The following ZNF385B variants were observed in gnomAD, a reference collection of about 807,000 sequenced individuals.
ZNF385B encodes zinc finger protein 533.
In ZNF385B, 23 loss-of-function variants were observed where a neutral mutation model predicts 39.2. The ratio of observed to expected loss-of-function variants is 0.59; its 90% CI spans 0.42 to 0.83. The LOEUF (loss-of-function observed/expected upper bound fraction) is 0.83. Among genes scored for constraint, ZNF385B ranks in the 40% least tolerant of loss-of-function variants. The pLI, the probability that ZNF385B is intolerant of heterozygous loss-of-function variation, is 0.00. For synonymous variants in ZNF385B, 205 were observed against 222.6 expected (o/e 0.92, Z 0.70); for missense variants, 552 against 598.9 (o/e 0.92, Z 0.82).
At chr2:179,762,529 C>T (rs1359354870) in intron 3 of ZNF385B, among the ~76,000 whole-genome samples, 1 of 152,106 alleles carries the variant, frequency 6.6e-6, no homozygotes, top group Non-Finnish European at 1.5e-5. Context: ...GCCAGTTTTG[C>T]ATACCTGGAA....
At chr2:179,482,039 G>T (rs2054059508) in intron 6 of ZNF385B, among the ~76,000 whole-genome samples, 1 of 152,150 alleles carries the variant, frequency 6.6e-6, no homozygotes, top group African/African-American at 2.4e-5. Context: ...ACATGATTTA[G>T]TGATCCTATT....
intron 3 of ZNF385B, among the ~76,000 whole-genome samples, chr2:179,665,169 C>T (rs1694983874): frequency 6.6e-6 from 1 of 152,202 alleles, no homozygotes; most frequent in Admixed American, 6.5e-5. Flanking sequence ...GAGGCTCACA[C>T]TGATCACTGT....
chr2:179,820,456 T>C (rs577223934), intron 1 of ZNF385B, among the ~76,000 whole-genome samples: 60 of 152,140 alleles, frequency 3.9e-4, no homozygotes, highest in South Asian at 1.2e-3. Flanking sequence ...AGTTCTATTG[T>C]TTTTCCATCT....
At chr2:179,454,491 G>C (rs71425627) in intron 6 of ZNF385B, among the ~76,000 whole-genome samples, 22,786 of 149,258 alleles carry the variant, frequency 0.15, 1,853 homozygotes, top group African/African-American at 0.21. Flanking sequence ...TTATTTTAGA[G>C]TGTACTCCTT....
chr2:179,779,141 G>C (rs1704518090), intron 1 of ZNF385B, among the ~76,000 whole-genome samples: 1 of 152,152 alleles, frequency 6.6e-6, no homozygotes, highest in Non-Finnish European at 1.5e-5. Flanking sequence ...GCTATAACCA[G>C]TATTCTAAAA....
intron 3 of ZNF385B, among the ~76,000 whole-genome samples, chr2:179,582,503 A>ATGG (rs1320797172): frequency 6.6e-6 from 1 of 152,154 alleles, no homozygotes; most frequent in Non-Finnish European, 1.5e-5. Flanking sequence ...AACAGATCAG[A>ATGG]TGGGGTTTTT....
At chr2:179,797,005 A>G (rs1447308860) in intron 1 of ZNF385B, among the ~76,000 whole-genome samples, 1 of 152,198 alleles carries the variant, frequency 6.6e-6, no homozygotes, top group East Asian at 1.9e-4. Context: ...CACATACTTG[A>G]TATTTAAGAA....
intron 3 of ZNF385B, among the ~76,000 whole-genome samples, chr2:179,734,235 A>G (rs1164505069): frequency 6.6e-6 from 1 of 152,206 alleles, no homozygotes; most frequent in Non-Finnish European, 1.5e-5. Context: ...ACACACATGC[A>G]AGGAAATTTA....
chr2:179,684,921 T>G (rs1697808996), intron 3 of ZNF385B, among the ~76,000 whole-genome samples: 1 of 152,230 alleles, frequency 6.6e-6, no homozygotes, highest in Admixed American at 6.5e-5. Context: ...TATAACATCT[T>G]TTAAGATAAT....
At chr2:179,663,605 G>A (rs964278695) in intron 3 of ZNF385B, among the ~76,000 whole-genome samples, 1 of 151,244 alleles carries the variant, frequency 6.6e-6, no homozygotes, top group African/African-American at 2.4e-5. Flanking sequence ...AGCTAATCGG[G>A]AGGCTGAGGT....
chr2:179,744,027 G>C (rs755714103), intron 3 of ZNF385B, among the ~76,000 whole-genome samples: 1 of 152,114 alleles, frequency 6.6e-6, no homozygotes, highest in Non-Finnish European at 1.5e-5. Flanking sequence ...TACCAGGCAA[G>C]CAGATAAGTG....
chr2:179,460,650 A>C (rs1041337463), intron 6 of ZNF385B, among the ~76,000 whole-genome samples: 1 of 152,060 alleles, frequency 6.6e-6, no homozygotes, highest in South Asian at 2.1e-4. Flanking sequence ...GGGTTTTTTG[A>C]GATGTTTTTC....
Position 179,445,741 on chromosome 2 carries a change from G to C in ZNF385B, c.962-13C>G. On this transcript the variant is annotated splice_polypyrimidine_tract_variant and intron_variant, in intron 7 of 9. Transcript: ENST00000410066. ...TTGTGTTTAGATCCTAAGACAGAAAGAGACACATATTAAATAGCTATCCAA... is the reference window on the plus strand; with the variant it reads ...TTGTGTTTAGATCCTAAGACAGAAACAGACACATATTAAATAGCTATCCAA... 6.3e-7 allele frequency: 1 copy of C among 1,587,206 alleles called. No homozygotes were observed. Among genetic ancestry groups the C allele is most frequent in the Non-Finnish European group, 8.5e-7 (1 of 1,170,394 alleles).
In ZNF385B at chr2:179,861,543, C is replaced by G. The variant is rs1685072027; in HGVS notation, c.-597G>C. 6.6e-6 allele frequency: 1 copy of G among 152,264 alleles called. No homozygotes were observed. Among genetic ancestry groups the G allele is most frequent in the East Asian group, 1.9e-4 (1 of 5,170 alleles). 9.4% of individuals were successfully genotyped at this position (152,264 alleles called of 1,614,324 possible). On this transcript the variant is annotated 5_prime_UTR_variant, in exon 1 of 10. Transcript: ENST00000410066. The stretch of plus-strand genomic sequence containing the variant: ...CGCGCGCCGAAGCTGTGACGGTTTA[C>G]TAAGCAGAGACTTGCGAGGCACACA...
intron 1 of ZNF385B, among the ~76,000 whole-genome samples, chr2:179,829,577 T>A (rs988817805): frequency 6.6e-6 from 1 of 152,030 alleles, no homozygotes; most frequent in African/African-American, 2.4e-5. Flanking sequence ...GCAGTGGTGC[T>A]ATCTCGGCTC....
intron 1 of ZNF385B, among the ~76,000 whole-genome samples, chr2:179,845,954 T>G (rs1708777642): frequency 6.6e-6 from 1 of 152,210 alleles, no homozygotes; most frequent in Non-Finnish European, 1.5e-5. Context: ...CCTGTTCTTT[T>G]GAAAGATAAA....
At chr2:179,854,314 C>T (rs1039181644) in intron 1 of ZNF385B, among the ~76,000 whole-genome samples, 1 of 152,084 alleles carries the variant, frequency 6.6e-6, no homozygotes, top group Non-Finnish European at 1.5e-5. Flanking sequence ...TTTAAATATT[C>T]TAAATTCTCT....
At chr2:179,812,572 AT>A (rs1706804890) in intron 1 of ZNF385B, among the ~76,000 whole-genome samples, 1 of 152,216 alleles carries the variant, frequency 6.6e-6, no homozygotes, top group Admixed American at 6.5e-5. Context: ...GTTCTCACTT[AT>A]AAGTGGGAGC....
chr2:179,528,601 G>A (rs769360857), intron 4 of ZNF385B, among the ~76,000 whole-genome samples: 32 of 152,296 alleles, frequency 2.1e-4, no homozygotes, highest in Non-Finnish European at 4.0e-4. Flanking sequence ...AAATGAACTG[G>A]TGATTTCACC....
Sources: allele counts gnomAD v4.1 joint callset (sites outside exome capture counted in the v4.1 genomes callset), GRCh38; gene constraint gnomAD v4.1.1; transcripts MANE v1.5; gene names NCBI Gene and HGNC (gene_info 2026-07-23, HGNC 2026-07-21).